Variants in SPHKAP observed in about 807,000 individuals in gnomAD.
SPHKAP encodes the protein A-kinase anchor protein SPHKAP.
In SPHKAP, 67 loss-of-function variants were observed where a neutral mutation model predicts 137.5. That is an observed-to-expected ratio of 0.49 (90% CI 0.40 to 0.60). The LOEUF (loss-of-function observed/expected upper bound fraction) is 0.60, where lower values mean the gene tolerates loss of function less well. Ranked by LOEUF, SPHKAP falls within the 20% of genes least tolerant of loss-of-function variation. The probability of loss-of-function intolerance (pLI) is 0.00; values close to 1 mark genes in which losing one functional copy is unlikely to be tolerated. For missense variants in SPHKAP, 2,097 were observed against 2,069.3 expected, an observed-to-expected ratio of 1.01 and a Z score of -0.26; for synonymous variants, 813 against 785.3, an observed-to-expected ratio of 1.04 and a Z score of -0.59.
intron 5 of SPHKAP, 106 bp from the exon 6 acceptor site, chr2:228,022,072 A>G (rs1194934136): frequency 7.3e-7 from 1 of 1,375,502 alleles, no homozygotes; most frequent in Non-Finnish European, 9.4e-7. Context: ...AGGAGTGGGG[A>G]CCTTTAAAAT....
At chr2:228,156,480 T>C (rs1052421577) in intron 1 of SPHKAP, among the ~76,000 whole-genome samples, 1 of 152,234 alleles carries the variant, frequency 6.6e-6, no homozygotes, top group Non-Finnish European at 1.5e-5. Flanking sequence ...TGGGATATCT[T>C]TCTAATGATT....
At chr2:228,092,845 G>A (rs1422277484) in intron 3 of SPHKAP, among the ~76,000 whole-genome samples, 1 of 151,884 alleles carries the variant, frequency 6.6e-6, no homozygotes, top group Admixed American at 6.6e-5. Context: ...CTCATAAGTG[G>A]GAGCTAAGCT....
At chr2:228,089,792 T>TGTAA (rs1487412789) in intron 3 of SPHKAP, among the ~76,000 whole-genome samples, 1 of 152,170 alleles carries the variant, frequency 6.6e-6, no homozygotes, top group Non-Finnish European at 1.5e-5. Context: ...TGTAAGCTGC[T>TGTAA]GTAAGCCTTG....
chr2:228,044,554 T>C (rs1195079884), intron 3 of SPHKAP, among the ~76,000 whole-genome samples: 3 of 152,150 alleles, frequency 2.0e-5, no homozygotes, highest in Non-Finnish European at 4.4e-5. Flanking sequence ...TCTAACAGAC[T>C]GCCAAGTGTT....
chr2:228,016,357 G>C (rs372682211), intron 7 of SPHKAP, 49 bp downstream of exon 7: 1 of 1,497,856 alleles, frequency 6.7e-7, no homozygotes, highest in East Asian at 2.3e-5. Flanking sequence ...TGATTAAGAC[G>C]CAAACTCCAG....
At chr2:228,136,967 G>A (rs1699453672) in intron 1 of SPHKAP, among the ~76,000 whole-genome samples, 2 of 151,578 alleles carry the variant, frequency 1.3e-5, no homozygotes, top group Non-Finnish European at 2.9e-5. Context: ...ATTACCTCTG[G>A]TACCTCCCTT....
chr2:227,998,227 A>T (rs1488400596), intron 7 of SPHKAP, among the ~76,000 whole-genome samples: 1 of 151,970 alleles, frequency 6.6e-6, no homozygotes, highest in Non-Finnish European at 1.5e-5. Flanking sequence ...GCTGGTCTCG[A>T]ACTCAAGTGA....
chr2:228,135,870 C>T (rs1051366434), intron 1 of SPHKAP, among the ~76,000 whole-genome samples: 1 of 151,878 alleles, frequency 6.6e-6, no homozygotes, highest in African/African-American at 2.4e-5. Flanking sequence ...TCTTCTGAAA[C>T]ATATTGTATA....
At chr2:228,116,407 C>T (rs879186911) in intron 2 of SPHKAP, among the ~76,000 whole-genome samples, 4 of 152,014 alleles carry the variant, frequency 2.6e-5, no homozygotes, top group Admixed American at 1.3e-4. Flanking sequence ...TCAGTTTTCC[C>T]GAAAATGAGA....
At chr2:228,127,028 A>C (rs1699097324) in intron 2 of SPHKAP, among the ~76,000 whole-genome samples, 1 of 152,176 alleles carries the variant, frequency 6.6e-6, no homozygotes, top group African/African-American at 2.4e-5. Flanking sequence ...TAATAAAAAG[A>C]TTTGATGAGG....
chr2:228,112,295 T>C (rs1394507957), intron 2 of SPHKAP, among the ~76,000 whole-genome samples: 2 of 152,134 alleles, frequency 1.3e-5, no homozygotes, highest in Non-Finnish European at 2.9e-5. Context: ...CAAATGAATA[T>C]ACTAGTTAAT....
chr2:228,031,580 C>T (rs1397865874), intron 3 of SPHKAP, among the ~76,000 whole-genome samples: 1 of 152,216 alleles, frequency 6.6e-6, no homozygotes, highest in African/African-American at 2.4e-5. Flanking sequence ...TTAAGCGGGT[C>T]CTTGACCCCC....
At chr2:228,050,373 C>T (rs920912093) in intron 3 of SPHKAP, among the ~76,000 whole-genome samples, 3 of 152,222 alleles carry the variant, frequency 2.0e-5, no homozygotes, top group Non-Finnish European at 2.9e-5. Flanking sequence ...CACAAAGACA[C>T]ATGCACTTGA....
rs562874576 is a variant in SPHKAP, at chr2:228,036,326, C to T, written c.247-8783G>A. Among the ~76,000 whole-genome samples the T allele has an allele frequency of 9.5e-3, 1,442 of 152,188 alleles. 23 individuals are homozygous for T. Among genetic ancestry groups the T allele is most frequent in the African/African-American group, 0.033 (1,380 of 41,434 alleles). ...ATCAGAGAAATGCAAAGCAAAACCA[C>T]GATGAGATACCATCTCACACCAGTT... is the stretch of plus-strand genomic sequence containing the variant. On this transcript the variant is annotated intron_variant, in intron 3 of 11. Coordinates refer to ENST00000392056, the MANE Select transcript of SPHKAP (RefSeq NM_001142644.2).
intron 3 of SPHKAP, among the ~76,000 whole-genome samples, chr2:228,054,753 C>G (rs1404257380): frequency 3.3e-5 from 5 of 152,052 alleles, no homozygotes; most frequent in Non-Finnish European, 5.9e-5. Context: ...AGGCTTTGAA[C>G]TATTAAATGT....
intron 3 of SPHKAP, among the ~76,000 whole-genome samples, chr2:228,033,947 C>G (rs1376656832): frequency 1.3e-5 from 2 of 152,112 alleles, no homozygotes; most frequent in African/African-American, 4.8e-5. Flanking sequence ...AAAATCGACA[C>G]CCTAACGTCA....
chr2:228,099,540 G>GT (rs1226614772), intron 3 of SPHKAP, among the ~76,000 whole-genome samples: 1 of 151,936 alleles, frequency 6.6e-6, no homozygotes, highest in African/African-American at 2.4e-5. Flanking sequence ...TTTTATAATA[G>GT]TTTTTTTCTA....
At chr2:228,038,022 T>C (rs1295672005) in intron 3 of SPHKAP, among the ~76,000 whole-genome samples, 2 of 152,200 alleles carry the variant, frequency 1.3e-5, no homozygotes, top group Non-Finnish European at 2.9e-5. Context: ...TGGGGAGTGG[T>C]GAGCCTGGAT....
At chr2:228,028,093 T>C in intron 3 of SPHKAP, 4 of 983,804 alleles carry the variant, frequency 4.1e-6, no homozygotes, top group Non-Finnish European at 1.2e-6. Context: ...TGGCCCAACA[T>C]ACTAAAAAAG....
Sources: gnomAD v4.1 joint callset for allele counts (sites outside exome capture counted in the v4.1 genomes callset) on GRCh38, gnomAD v4.1.1 for gene constraint, MANE v1.5 for transcripts, NCBI Gene and HGNC (gene_info 2026-07-23, HGNC 2026-07-21) for gene names.